Variants in TRAPPC2L observed in about 807,000 individuals in gnomAD.
TRAPPC2L encodes the protein trafficking protein particle complex subunit 2L.
Under a neutral mutation model 13.2 loss-of-function variants are expected in TRAPPC2L, and 17 were observed. The ratio of observed to expected loss-of-function variants is 1.29; its 90% CI spans 0.88 to 1.93. TRAPPC2L has a LOEUF of 1.93. Among genes scored for constraint, TRAPPC2L ranks in the 30% most tolerant of loss-of-function variants. TRAPPC2L has a pLI of 0.00. For synonymous variants in TRAPPC2L, 150 were observed against 98.1 expected, an observed-to-expected ratio of 1.53 and a Z score of -3.12; for missense variants, 359 against 252.1, an observed-to-expected ratio of 1.42 and a Z score of -2.87.
chr16:88,860,968 T>C, exon 4 of TRAPPC2L: 7 of 1,583,914 alleles, frequency 4.4e-6, no homozygotes, highest in Non-Finnish European at 6.0e-6. Context: ...GAGTGAGCTG[T>C]GCTGCCAGCC....
rs1385185240 is a variant in TRAPPC2L, at chr16:88,857,192, G to A, written c.33+9G>A. On this transcript the variant is annotated intron_variant, in intron 1 of 3. Transcript: ENST00000565504. ...CGGTGATTGCCAAGGAGGTGCGTAC[G>A]CGCGGCGTGGGGCGTCCGGGCTCGC... 24 of 1,570,010 alleles carry A rather than the reference G, an allele frequency of 1.5e-5. 1 individual carries two copies. The highest frequency in any genetic ancestry group is 6.9e-5 in the African/African-American group (5 of 72,044).
intron 2 of TRAPPC2L, 200 bp from the exon 3 acceptor site, chr16:88,859,463 T>G: frequency 1.4e-6 from 1 of 704,910 alleles, no homozygotes; most frequent in Admixed American, 2.0e-5. Flanking sequence ...GGCTGCCTGC[T>G]CTTCGCTTCT....
upstream of TRAPPC2L, chr16:88,856,859 C>T (rs1168531523): frequency 6.6e-7 from 1 of 1,511,110 alleles, no homozygotes; most frequent in Admixed American, 2.0e-5. Context: ...CACCTCGTCG[C>T]CGCGACAACC....
intron 2 of TRAPPC2L, 81 bp from the exon 3 acceptor site, chr16:88,859,581 AT>A (rs1567556215): frequency 7.4e-7 from 1 of 1,344,224 alleles, no homozygotes; most frequent in East Asian, 2.3e-5. Flanking sequence ...AGGTTGCCAC[AT>A]TTCTCCAAAG....
chr16:88,860,397 A>T, exon 4 of TRAPPC2L: 1 of 613,130 alleles, frequency 1.6e-6, no homozygotes, highest in Non-Finnish European at 2.9e-6. Context: ...CAAAGTAAAC[A>T]GATTTAACTT....
chr16:88,860,965 C>T, exon 4 of TRAPPC2L: 4 of 1,585,222 alleles, frequency 2.5e-6, no homozygotes, highest in Non-Finnish European at 3.4e-6. Context: ...GCTGAGTGAG[C>T]TGTGCTGCCA....
At chr16:88,859,996 G>GCAT (rs1555527162) in exon 4 of TRAPPC2L, 3,152 of 1,523,084 alleles carry the variant, frequency 2.1e-3, no homozygotes, top group African/African-American at 4.4e-3. Flanking sequence ...TCTGTGTCTT[G>GCAT]CCACCTTCTT....
chr16:88,858,760 G>A (rs1968165891), exon 2 of TRAPPC2L: 1 of 1,613,264 alleles, frequency 6.2e-7, no homozygotes, highest in African/African-American at 1.3e-5. Flanking sequence ...GCTGTACCTG[G>A]GCCTGCTCTA....
chr16:88,860,415 T>A, exon 4 of TRAPPC2L: 1 of 607,434 alleles, frequency 1.6e-6, no homozygotes, highest in South Asian at 2.0e-5. Context: ...CTTTTGAACA[T>A]CATGAGGGAA....
At chr16:88,856,613 G>T (rs1967912745), upstream of TRAPPC2L, 3 of 207,538 alleles carry the variant, frequency 1.4e-5, no homozygotes, top group African/African-American at 6.7e-5. Flanking sequence ...TCCTCCCCGC[G>T]CGGGGCCTCC....
exon 4 of TRAPPC2L, chr16:88,860,993 C>A: frequency 6.4e-7 from 1 of 1,562,194 alleles, no homozygotes. Flanking sequence ...CAGAGGAGCC[C>A]GCGCACGACT....
exon 4 of TRAPPC2L, chr16:88,860,410 G>C (rs1053850477): frequency 5.3e-5 from 32 of 607,354 alleles, no homozygotes; most frequent in Non-Finnish European, 9.4e-5. Context: ...TTTAACTTTT[G>C]AACATCATGA....
At chr16:88,862,072 T>C (rs1968426407) in exon 4 of TRAPPC2L, 1 of 159,960 alleles carries the variant, frequency 6.3e-6, no homozygotes, top group Admixed American at 6.4e-5. Context: ...CAGACCACTC[T>C]CACAAGGTTA....
At chr16:88,859,179 C>T (rs1440589850) in intron 2 of TRAPPC2L, 6 of 462,438 alleles carry the variant, frequency 1.3e-5, no homozygotes, top group African/African-American at 3.9e-5. Flanking sequence ...AGACACTCGT[C>T]TAGTCCCTTG....
chr16:88,858,696 C>G (rs138888513), exon 2 of TRAPPC2L: 1 of 1,613,578 alleles, frequency 6.2e-7, no homozygotes, highest in Admixed American at 1.7e-5. Context: ...CATCTCTGGA[C>G]GTGGTGGATG....
chr16:88,861,574 G>C (rs535556484), exon 4 of TRAPPC2L: 1 of 468,662 alleles, frequency 2.1e-6, no homozygotes, highest in South Asian at 1.6e-5. Context: ...TTGGAGCGCA[G>C]ACTTGAGGCA....
exon 4 of TRAPPC2L, chr16:88,861,607 G>T: frequency 2.1e-6 from 1 of 485,140 alleles, no homozygotes; most frequent in South Asian, 1.5e-5. Flanking sequence ...TGTTGGTGCT[G>T]AGGGGGTTGG....
upstream of TRAPPC2L, chr16:88,856,744 C>A: frequency 6.7e-7 from 1 of 1,499,258 alleles, no homozygotes; most frequent in East Asian, 2.5e-5. Flanking sequence ...CCCCGTCCCA[C>A]CGCCCGCACT....
intron 1 of TRAPPC2L, 133 bp downstream of exon 1, chr16:88,857,316 G>T: frequency 2.4e-6 from 2 of 845,736 alleles, no homozygotes; most frequent in Non-Finnish European, 3.4e-6. Flanking sequence ...AGCTCCAGCG[G>T]TCAGGGGCTT....
Sources: gnomAD v4.1 joint callset for allele counts on GRCh38, gnomAD v4.1.1 for gene constraint, MANE v1.5 for transcripts, NCBI Gene and HGNC (gene_info 2026-07-23, HGNC 2026-07-21) for gene names.